The following COBLL1 variants were observed in gnomAD, a reference collection of about 807,000 sequenced individuals.
COBLL1 encodes cordon-bleu WH2 repeat protein like 1.
COBLL1 carries 50 observed loss-of-function variants against 94.8 expected under a neutral mutation model. The ratio of observed to expected loss-of-function variants is 0.53; its 90% CI spans 0.42 to 0.67. The LOEUF is 0.67. Among genes scored for constraint, COBLL1 ranks in the 30% least tolerant of loss-of-function variants. The pLI, the probability that COBLL1 is intolerant of heterozygous loss-of-function variation, is 0.00. For synonymous variants in COBLL1, 448 were observed against 473.8 expected (o/e 0.95, Z 0.71); for missense variants, 1,362 against 1,348.7 (o/e 1.01, Z -0.15).
intron 11 of COBLL1, chr2:164,697,172 T>C (rs1466324151): frequency 6.6e-6 from 1 of 152,180 alleles, no homozygotes; most frequent in Non-Finnish European, 1.5e-5. Flanking sequence ...TGCACAGTTA[T>C]TTGGTTGTGG....
At chr2:164,793,696 C>T (rs1683302154) in intron 2 of COBLL1, among the ~76,000 whole-genome samples, 1 of 152,084 alleles carries the variant, frequency 6.6e-6, no homozygotes, top group Non-Finnish European at 1.5e-5. Flanking sequence ...TAACAGGTCC[C>T]CATGGGACAA....
At position 164,695,350 on chromosome 2, in the gene COBLL1, C is replaced by T; in HGVS notation, c.2042G>A (p.Gly681Asp). 6 of 1,613,894 alleles carry T rather than the reference C, an allele frequency of 3.7e-6. No individual in the cohort carries two copies. Among genetic ancestry groups the T allele is most frequent in the Non-Finnish European group, 4.2e-6 (5 of 1,179,930 alleles). The part of the protein sequence containing the change: ...LTVKDPICAH[G>D]NDDLLPPVDR... ...TACAGGAGGCAAAAGATCATCATTA[C>T]CATGTGCACAAATTGGATCTTTTAC... The change falls in exon 12 of 14, where the codon GGT becomes GAT. Residue 681 changes from glycine (G) to aspartate (D), a missense_variant. Coordinates refer to ENST00000652658, the MANE Select transcript of COBLL1 (RefSeq NM_001365672.2).
chr2:164,831,488 G>GT (rs979228518), intron 2 of COBLL1, among the ~76,000 whole-genome samples: 10 of 151,078 alleles, frequency 6.6e-5, no homozygotes, highest in Admixed American at 2.6e-4. Flanking sequence ...AGCTGCTGAT[G>GT]TTTTTTTCTA....
intron 2 of COBLL1, among the ~76,000 whole-genome samples, chr2:164,805,348 T>TAA (rs1387149154): frequency 7.4e-5 from 8 of 108,120 alleles, no homozygotes; most frequent in Non-Finnish European, 1.4e-4. Flanking sequence ...TATATATATA[T>TAA]ATATATATAT....
chr2:164,833,599 C>T (rs1027480060), intron 2 of COBLL1, among the ~76,000 whole-genome samples: 1 of 151,852 alleles, frequency 6.6e-6, no homozygotes, highest in Non-Finnish European at 1.5e-5. Flanking sequence ...TACAGGCGCC[C>T]GCCACCACGC....
chr2:164,817,164 T>C (rs956043159), intron 2 of COBLL1, among the ~76,000 whole-genome samples: 4 of 152,114 alleles, frequency 2.6e-5, no homozygotes, highest in African/African-American at 9.7e-5. Context: ...GAATAACTCA[T>C]AGCCACAGCC....
intron 2 of COBLL1, among the ~76,000 whole-genome samples, chr2:164,768,911 C>T (rs1268576258): frequency 6.6e-6 from 1 of 152,116 alleles, no homozygotes; most frequent in Non-Finnish European, 1.5e-5. Context: ...TGTTTCCATA[C>T]AAGCAACAAT....
intron 2 of COBLL1, among the ~76,000 whole-genome samples, chr2:164,789,926 G>A (rs1236371590): frequency 6.6e-6 from 1 of 152,124 alleles, no homozygotes; most frequent in African/African-American, 2.4e-5. Context: ...TTCCAAAACA[G>A]CCAGCTGATT....
intron 2 of COBLL1, among the ~76,000 whole-genome samples, chr2:164,744,733 C>T (rs375412364): frequency 1.1e-4 from 16 of 152,190 alleles, no homozygotes; most frequent in East Asian, 9.6e-4. Flanking sequence ...CCCACTGTAC[C>T]TAGCAATGAA....
chr2:164,732,960 CAGG>C (rs1025043061), intron 3 of COBLL1, among the ~76,000 whole-genome samples: 2 of 152,164 alleles, frequency 1.3e-5, no homozygotes, highest in African/African-American at 4.8e-5. Context: ...GAGGCTGAGG[CAGG>C]AGAATAGCGT....
chr2:164,721,879 T>A, intron 7 of COBLL1, 196 bp downstream of exon 7: 1 of 414,940 alleles, frequency 2.4e-6, no homozygotes. Context: ...GACCTGTATG[T>A]ACATAGAAGA....
intron 2 of COBLL1, among the ~76,000 whole-genome samples, chr2:164,758,623 A>C (rs1211850846): frequency 6.6e-6 from 1 of 152,152 alleles, no homozygotes; most frequent in Non-Finnish European, 1.5e-5. Flanking sequence ...TAGAAAAATT[A>C]GTCCAAAAAA....
intron 2 of COBLL1, among the ~76,000 whole-genome samples, chr2:164,829,607 G>A (rs1682962130): frequency 6.6e-6 from 1 of 151,834 alleles, no homozygotes; most frequent in Non-Finnish European, 1.5e-5. Flanking sequence ...ATCACAAAGG[G>A]CAAAGGGAAA....
intron 2 of COBLL1, among the ~76,000 whole-genome samples, chr2:164,792,373 C>T (rs1260592603): frequency 6.6e-6 from 1 of 152,126 alleles, no homozygotes; most frequent in Non-Finnish European, 1.5e-5. Context: ...AAGCCATCCA[C>T]CTGCCTCGGC....
rs138206269 is a variant in COBLL1, at chr2:164,713,759, G to C, written c.996+8316C>G. On this transcript the variant is annotated intron_variant, in intron 7 of 13. Transcript: ENST00000652658. ...CTTTTGTGTTACAGTCAGGAGTTTG[G>C]GAAGAAAGATGTCAGTCAATGTTTT... Among the ~76,000 whole-genome samples the C allele has an allele frequency of 3.4e-4, 51 of 152,146 alleles. 1 individual carries two copies. In the East Asian group the frequency reaches 9.9e-3, roughly 29 times the overall value.
chr2:164,794,175 A>C (rs894610410), intron 2 of COBLL1, among the ~76,000 whole-genome samples: 6 of 152,188 alleles, frequency 3.9e-5, no homozygotes, highest in Non-Finnish European at 7.4e-5. Context: ...AGAAAAATCC[A>C]AACCTCAAAA....
chr2:164,800,693 C>T, intron 2 of COBLL1: 1 of 621,072 alleles, frequency 1.6e-6, no homozygotes, highest in Non-Finnish European at 2.9e-6. Flanking sequence ...AACTGCAGTA[C>T]ATCCATACTA....
At chr2:164,667,083 A>G (rs1054394078) in intron 1 of COBLL1, among the ~76,000 whole-genome samples, 7 of 151,942 alleles carry the variant, frequency 4.6e-5, no homozygotes, top group Admixed American at 2.0e-4. Context: ...AAATAATAAG[A>G]TATTTATTTA....
chr2:164,763,114 C>A (rs1687766690), intron 2 of COBLL1, among the ~76,000 whole-genome samples: 1 of 152,066 alleles, frequency 6.6e-6, no homozygotes, highest in African/African-American at 2.4e-5. Context: ...GTGACAGAGA[C>A]CTTAGAGCCT....
Sources: gnomAD v4.1 joint callset for allele counts (sites outside exome capture counted in the v4.1 genomes callset) on GRCh38, gnomAD v4.1.1 for gene constraint, MANE v1.5 for transcripts, NCBI Gene and HGNC (gene_info 2026-07-23, HGNC 2026-07-21) for gene names.